Variants in NCKAP5 observed in about 807,000 individuals in gnomAD.
NCKAP5 encodes the protein NCK associated protein 5.
NCKAP5 carries 92 observed loss-of-function variants against 167.0 expected under a neutral mutation model. That is an observed-to-expected ratio of 0.55 (90% CI 0.47 to 0.66). The LOEUF (loss-of-function observed/expected upper bound fraction) is 0.66, where lower values mean the gene tolerates loss of function less well. NCKAP5 is among the 30% of genes least tolerant of loss of function. NCKAP5 has a pLI of 0.00. For synonymous variants in NCKAP5, 891 were observed against 877.4 expected, an observed-to-expected ratio of 1.02 and a Z score of -0.27; for missense variants, 2,378 against 2,315.0, an observed-to-expected ratio of 1.03 and a Z score of -0.56.
chr2:133,576,501 C>A, the NCKAP5 span, among the ~76,000 whole-genome samples: 1 of 152,296 alleles, frequency 6.6e-6, no homozygotes, highest in African/African-American at 2.4e-5. Context: ...ACAATTTATA[C>A]CACAAATCCT....
chr2:132,976,560 T>A, intron 7 of NCKAP5, among the ~76,000 whole-genome samples: 1 of 119,000 alleles, frequency 8.4e-6, no homozygotes, highest in South Asian at 2.6e-4. Flanking sequence ...CGAGACTCCA[T>A]CTCAAAAAAA....
intron 3 of NCKAP5, among the ~76,000 whole-genome samples, chr2:133,466,709 T>G (rs964897093): frequency 2.0e-5 from 3 of 152,236 alleles, no homozygotes; most frequent in Admixed American, 2.0e-4. Flanking sequence ...GTAATTCTCC[T>G]GGAAGAAGTC....
rs531965277 is a variant in NCKAP5, at chr2:133,149,958, T to A, written c.208-19847A>T. Among the ~76,000 whole-genome samples, 11 of 152,274 alleles carry A rather than the reference T, an allele frequency of 7.2e-5. No individual in the cohort carries two copies. The South Asian group carries it at 2.3e-3, about 32-fold the overall frequency. On this transcript the variant is annotated intron_variant, in intron 5 of 19. Transcript: ENST00000409261. Reference sequence around the variant, plus strand: ...CCCCACCCTCACCTCCAGATGGATGTCAGTCTTTAGCACAATCCTCCAATC... The same window carrying A: ...CCCCACCCTCACCTCCAGATGGATGACAGTCTTTAGCACAATCCTCCAATC...
At chr2:132,911,033 G>T in intron 8 of NCKAP5, 1 of 188,606 alleles carries the variant, frequency 5.3e-6, no homozygotes, top group South Asian at 1.1e-4. Flanking sequence ...GTTGTCTTCT[G>T]ACCGACACCA....
intron 4 of NCKAP5, among the ~76,000 whole-genome samples, chr2:133,262,558 C>G (rs955545928): frequency 6.6e-6 from 1 of 152,200 alleles, no homozygotes; most frequent in Non-Finnish European, 1.5e-5. Context: ...GCCACCTACT[C>G]TCTGAGAGAA....
At chr2:133,389,333 CCTG>C (rs1391293936) in intron 3 of NCKAP5, among the ~76,000 whole-genome samples, 1 of 152,190 alleles carries the variant, frequency 6.6e-6, no homozygotes, top group Non-Finnish European at 1.5e-5. Flanking sequence ...GTTCAGACAT[CCTG>C]CTGTGATCTC....
At chr2:133,083,517 T>TA in intron 6 of NCKAP5, among the ~76,000 whole-genome samples, 1 of 152,292 alleles carries the variant, frequency 6.6e-6, no homozygotes, top group South Asian at 2.1e-4. Context: ...TCCTTGTACT[T>TA]ATGCCCTACA....
intron 6 of NCKAP5, among the ~76,000 whole-genome samples, chr2:133,056,835 T>TTGAA (rs1345506336): frequency 1.6e-4 from 24 of 152,382 alleles, no homozygotes; most frequent in Admixed American, 7.2e-4. Context: ...AGCTCCAAAG[T>TTGAA]TGAAGCACGC....
At chr2:132,758,730 G>T (rs1680760499) in intron 16 of NCKAP5, among the ~76,000 whole-genome samples, 1 of 152,126 alleles carries the variant, frequency 6.6e-6, no homozygotes, top group Non-Finnish European at 1.5e-5. Context: ...GACAGGAAGA[G>T]GACTGGGATG....
At chr2:133,467,596 T>C (rs936301155) in intron 3 of NCKAP5, among the ~76,000 whole-genome samples, 5 of 150,382 alleles carry the variant, frequency 3.3e-5, no homozygotes, top group Admixed American at 6.6e-5. Flanking sequence ...TACCAGTTCC[T>C]CCTTGTACCT....
At chr2:132,925,097 A>G (rs775247967) in intron 8 of NCKAP5, among the ~76,000 whole-genome samples, 29 of 152,222 alleles carry the variant, frequency 1.9e-4, no homozygotes, top group South Asian at 6.2e-4. Context: ...ACCAAGGACC[A>G]GTTTCGTGGA....
At chr2:132,901,206 T>G (rs930858446) in intron 8 of NCKAP5, among the ~76,000 whole-genome samples, 2 of 152,200 alleles carry the variant, frequency 1.3e-5, no homozygotes, top group African/African-American at 4.8e-5. Flanking sequence ...AGAGACAAAC[T>G]TTGCAGAGCA....
chr2:133,436,081 C>T (rs1690457699), intron 3 of NCKAP5, among the ~76,000 whole-genome samples: 1 of 152,172 alleles, frequency 6.6e-6, no homozygotes, highest in South Asian at 2.1e-4. Flanking sequence ...AATTAATTTT[C>T]AATTCTTGCT....
chr2:132,758,136 G>A lies in NCKAP5; in HGVS notation c.5128+15680C>T, dbSNP rs1008752998. Among the ~76,000 whole-genome samples, 27 of 152,270 alleles carry A rather than the reference G, an allele frequency of 1.8e-4. 1 individual carries two copies. The highest frequency in any genetic ancestry group is 1.0e-3 in the Admixed American group (16 of 15,288). ...GAGTTAGCCTCCTGTCTCCTCATTC[G>A]GTTGCTTTGCAGTAAACCTTTCTCT... On this transcript the variant is annotated intron_variant, in intron 16 of 19. Coordinates refer to ENST00000409261, the MANE Select transcript of NCKAP5 (RefSeq NM_207363.3).
At chr2:133,526,491 T>C (rs1481309478) in intron 2 of NCKAP5, among the ~76,000 whole-genome samples, 1 of 152,186 alleles carries the variant, frequency 6.6e-6, no homozygotes, top group Non-Finnish European at 1.5e-5. Context: ...TTTATTGAGC[T>C]AACCCTGGAG....
intron 3 of NCKAP5, among the ~76,000 whole-genome samples, chr2:133,466,702 A>G (rs1017823890): frequency 5.3e-5 from 8 of 152,094 alleles, no homozygotes; most frequent in African/African-American, 1.4e-4. Flanking sequence ...GTGGTTTGTA[A>G]TTCTCCTGGA....
At chr2:132,785,809 C>T (rs1683519590) in intron 13 of NCKAP5, 91 bp from the exon 14 acceptor site, 2 of 1,069,764 alleles carry the variant, frequency 1.9e-6, no homozygotes, top group South Asian at 6.0e-5. Flanking sequence ...TTAATTTGTG[C>T]TAGTGGTTGG....
At chr2:133,479,402 T>C (rs554489042) in intron 3 of NCKAP5, among the ~76,000 whole-genome samples, 1 of 152,292 alleles carries the variant, frequency 6.6e-6, no homozygotes, top group South Asian at 2.1e-4. Context: ...AACTGGTAAG[T>C]AGTGGAGCAA....
intron 1 of NCKAP5, among the ~76,000 whole-genome samples, chr2:133,565,956 T>TGGGAAAAAAA (rs1688519828): frequency 6.6e-6 from 1 of 152,090 alleles, no homozygotes; most frequent in African/African-American, 2.4e-5. Context: ...CGGAAAGAGG[T>TGGGAAAAAAA]ATTTAACAAC....
Sources: gnomAD v4.1 joint callset for allele counts (sites outside exome capture counted in the v4.1 genomes callset) on GRCh38, gnomAD v4.1.1 for gene constraint, MANE v1.5 for transcripts, NCBI Gene and HGNC (gene_info 2026-07-23, HGNC 2026-07-21) for gene names.